Variants in IAPP observed in about 807,000 individuals in gnomAD.
IAPP encodes the protein islet amyloid polypeptide, also known as Islet amyloid polypeptide (diabetes-associated peptide; amylin).
In IAPP, 4 loss-of-function variants were observed where a neutral mutation model predicts 2.9. The ratio of observed to expected loss-of-function variants is 1.39; its 90% confidence interval spans 0.69 to 3.19. The LOEUF is 3.19. Among genes scored for constraint, IAPP ranks in the 30% most tolerant of loss-of-function variants. The pLI, the probability that IAPP is intolerant of heterozygous loss-of-function variation, is 0.01. For missense variants in IAPP, 114 were observed against 105.3 expected (o/e 1.08, Z -0.36); for synonymous variants, 40 against 42.1 (o/e 0.95, Z 0.19).
At chr12:21,363,661 A>G (rs1457631944) in intron 1 of IAPP, among the ~76,000 whole-genome samples, 2 of 152,166 alleles carry the variant, frequency 1.3e-5, no homozygotes, top group Non-Finnish European at 2.9e-5. Context: ...AAGACTAATA[A>G]AGAAGAAAAG....
At chr12:21,361,012 C>G (rs1938819503) in intron 1 of IAPP, among the ~76,000 whole-genome samples, 1 of 152,220 alleles carries the variant, frequency 6.6e-6, no homozygotes, top group South Asian at 2.1e-4. Context: ...TTAAACATCC[C>G]TGTCTGACAG....
intron 1 of IAPP, among the ~76,000 whole-genome samples, chr12:21,357,627 T>C (rs952513202): frequency 5.9e-5 from 9 of 152,218 alleles, no homozygotes; most frequent in African/African-American, 1.7e-4. Flanking sequence ...CTAAGTATTA[T>C]TGAATGAATA....
At chr12:21,372,131 CATA>C (rs1939843304), upstream of IAPP, among the ~76,000 whole-genome samples, 2 of 152,114 alleles carry the variant, frequency 1.3e-5, no homozygotes, top group South Asian at 4.1e-4. Flanking sequence ...CTAAGCCATT[CATA>C]ATGTTCTCAT....
chr12:21,367,917 A>C (rs572968879), upstream of IAPP, among the ~76,000 whole-genome samples: 25 of 152,324 alleles, frequency 1.6e-4, no homozygotes, highest in Admixed American at 1.3e-3. Context: ...GTAATCAAAT[A>C]GTTAACAAGA....
At chr12:21,367,068 T>C (rs953899422) in intron 1 of IAPP, among the ~76,000 whole-genome samples, 1 of 152,052 alleles carries the variant, frequency 6.6e-6, no homozygotes, top group Non-Finnish European at 1.5e-5. Context: ...TTTAAATATA[T>C]CAGGAATACA....
chr12:21,369,527 A>G (rs113131048), upstream of IAPP, among the ~76,000 whole-genome samples: 440 of 152,338 alleles, frequency 2.9e-3, 2 homozygotes, highest in African/African-American at 0.01. Flanking sequence ...TTCACTATCT[A>G]TAAATTAGAG....
chr12:21,366,438 T>A (rs981512278), intron 1 of IAPP, among the ~76,000 whole-genome samples: 6 of 151,928 alleles, frequency 3.9e-5, no homozygotes, highest in Admixed American at 1.3e-4. Context: ...GAGATATACC[T>A]AATGTAAATG....
At chr12:21,366,028 A>C (rs192734959) in intron 1 of IAPP, among the ~76,000 whole-genome samples, 11 of 152,306 alleles carry the variant, frequency 7.2e-5, no homozygotes, top group African/African-American at 2.4e-4. Flanking sequence ...ATACCATTTG[A>C]CCCAGCCATC....
chr12:21,374,913 A>C (rs566162698), intron 2 of IAPP, among the ~76,000 whole-genome samples: 1 of 152,098 alleles, frequency 6.6e-6, no homozygotes, highest in South Asian at 2.1e-4. Context: ...TTCTAGGCTC[A>C]GGTGATCCTC....
intron 1 of IAPP, among the ~76,000 whole-genome samples, chr12:21,364,843 TG>T (rs1294571114): frequency 3.9e-5 from 6 of 152,122 alleles, no homozygotes; most frequent in Non-Finnish European, 5.9e-5. Context: ...TTACAAGGGA[TG>T]TGAAGTACCT....
In IAPP at chr12:21,372,937, C is replaced by G. The variant is rs1220902245; in HGVS notation, c.-83C>G. 6 of 235,044 alleles carry G rather than the reference C, an allele frequency of 2.6e-5. No individual in the cohort carries two copies. Among genetic ancestry groups the G allele is most frequent in the African/African-American group, 1.2e-4 (5 of 42,326 alleles). The allele number at this position is 235,044 out of a possible 1,614,324, so 14.6% of individuals were successfully genotyped here. ...ATATTCCAGTGGATACAAGCTTGGA[C>G]TCTTTTCTTGAAGCTTTCTTTCTAT... is the stretch of plus-strand genomic sequence containing the variant. On this transcript the variant is annotated 5_prime_UTR_variant, in exon 1 of 3. Coordinates refer to ENST00000240652, the MANE Select transcript of IAPP (RefSeq NM_000415.3).
rs1940473789 is a variant in IAPP, at chr12:21,379,821, C to A, written c.*1395C>A. The A allele has an allele frequency of 6.6e-6, 1 of 152,020 alleles. No homozygotes were observed. Among genetic ancestry groups the A allele is most frequent in the Non-Finnish European group, 1.5e-5 (1 of 68,016 alleles). The allele number at this position is 152,020 out of a possible 1,614,324, so 9.4% of individuals were successfully genotyped here. The stretch of plus-strand genomic sequence containing the variant: ...CTTACATTTCTAAGTTAAAATTTCC[C>A]TTTATGAAGTGTGCCTTAGGTTACC... On this transcript the variant is annotated 3_prime_UTR_variant, in exon 3 of 3. Transcript: ENST00000240652.
At chr12:21,370,469 T>G (rs768593737), upstream of IAPP, among the ~76,000 whole-genome samples, 3 of 117,726 alleles carry the variant, frequency 2.5e-5, no homozygotes, top group Non-Finnish European at 3.5e-5. Context: ...CCTAATGCTA[T>G]CCCTCCCCCC....
At chr12:21,367,273 A>G (rs1324761113) in intron 1 of IAPP, among the ~76,000 whole-genome samples, 1 of 152,200 alleles carries the variant, frequency 6.6e-6, no homozygotes, top group East Asian at 1.9e-4. Flanking sequence ...CATTCTCAGG[A>G]AGCTACTGCA....
intron 2 of IAPP, 82 bp downstream of exon 2, chr12:21,373,513 A>C (rs1939954779): frequency 2.2e-6 from 2 of 921,768 alleles, no homozygotes; most frequent in Non-Finnish European, 1.8e-6. Context: ...AAATAACTAC[A>C]GCCTTAGATT....
intron 1 of IAPP, among the ~76,000 whole-genome samples, chr12:21,360,904 G>A (rs1334308652): frequency 6.6e-6 from 1 of 152,144 alleles, no homozygotes; most frequent in Non-Finnish European, 1.5e-5. Context: ...GAACTCGGTG[G>A]AGCCCACCGC....
At chr12:21,364,610 C>T (rs2127116) in intron 1 of IAPP, among the ~76,000 whole-genome samples, 14,166 of 152,176 alleles carry the variant, frequency 0.093, 1,048 homozygotes, top group East Asian at 0.4. Context: ...GTCAAATTGT[C>T]CCTGTTGCAG....
intron 1 of IAPP, among the ~76,000 whole-genome samples, chr12:21,360,728 C>T (rs1938781220): frequency 6.6e-6 from 1 of 152,218 alleles, no homozygotes; most frequent in African/African-American, 2.4e-5. Flanking sequence ...AATGGCACAC[C>T]AGGAGATTAT....
chr12:21,362,195 G>T (rs2137051843), intron 1 of IAPP, among the ~76,000 whole-genome samples: 1 of 152,218 alleles, frequency 6.6e-6, no homozygotes, highest in African/African-American at 2.4e-5. Flanking sequence ...ACAGTGAGCG[G>T]GTCTCTCGGC....
Sources: gnomAD v4.1 joint callset for allele counts (sites outside exome capture counted in the v4.1 genomes callset) on GRCh38, gnomAD v4.1.1 for gene constraint, MANE v1.5 for transcripts, NCBI Gene and HGNC (gene_info 2026-07-23, HGNC 2026-07-21) for gene names.